POR: variants seen among roughly 807,000 people sequenced by gnomAD.
The protein encoded by POR is NADPH--cytochrome P450 reductase.
In POR, 56 loss-of-function variants were observed where a neutral mutation model predicts 84.0. That is an observed-to-expected ratio of 0.67 (90% CI 0.54 to 0.83). POR has a LOEUF of 0.83. POR is among the 40% of genes least tolerant of loss of function. The probability of loss-of-function intolerance (pLI) is 0.00; values close to 1 mark genes in which losing one functional copy is unlikely to be tolerated. For missense variants in POR, 938 were observed against 944.3 expected, an observed-to-expected ratio of 0.99 and a Z score of 0.09; for synonymous variants, 414 against 400.5, an observed-to-expected ratio of 1.03 and a Z score of -0.40.
chr7:75,963,275 C>T (rs1434180056), intron 2 of POR, among the ~76,000 whole-genome samples: 17 of 152,274 alleles, frequency 1.1e-4, no homozygotes, highest in Admixed American at 6.5e-4. Context: ...CCTGTGGCCA[C>T]GAGAGTAGAC....
chr7:75,956,551 TG>T (rs1485301105), intron 2 of POR, among the ~76,000 whole-genome samples: 1 of 152,144 alleles, frequency 6.6e-6, no homozygotes, highest in Non-Finnish European at 1.5e-5. Context: ...CCCAATCTTG[TG>T]GGGCTTTTGT....
At chr7:75,975,671 C>T (rs1022199543) in intron 3 of POR, among the ~76,000 whole-genome samples, 13 of 151,990 alleles carry the variant, frequency 8.6e-5, no homozygotes, top group Non-Finnish European at 1.0e-4. Context: ...TTTCACTGGG[C>T]GCAACGTGTT....
At chr7:75,922,239 C>CT (rs1806909835) in intron 1 of POR, among the ~76,000 whole-genome samples, 1 of 151,394 alleles carries the variant, frequency 6.6e-6, no homozygotes, top group Non-Finnish European at 1.5e-5. Flanking sequence ...ATAAATATGG[C>CT]TTCTGTCCCC....
rs201425914 is a variant in POR at position 75,918,000 on chromosome 7, T to TA, written c.-5+2829dup. Among the ~76,000 whole-genome samples, 1,022 of 151,420 alleles carry TA rather than the reference T, an allele frequency of 6.7e-3. 8 individuals are homozygous for TA. Among genetic ancestry groups the TA allele is most frequent in the Middle Eastern group, 0.024 (7 of 294 alleles). ...GCAACACGGCGAATCCCTGTCTCTATAAAAAAAATACAAATACAAAAATTG... is the reference window on the plus strand; with the variant it reads ...GCAACACGGCGAATCCCTGTCTCTATAAAAAAAAATACAAATACAAAAATTG... On this transcript the variant is annotated intron_variant, in intron 1 of 15. Coordinates refer to ENST00000461988, the MANE Select transcript of POR (RefSeq NM_000941.3).
At chr7:75,982,914 G>A (rs912914769) in intron 8 of POR, among the ~76,000 whole-genome samples, 34 of 152,182 alleles carry the variant, frequency 2.2e-4, no homozygotes, top group African/African-American at 7.5e-4. Flanking sequence ...TCCTCATTTG[G>A]GGACCAGCCA....
intron 2 of POR, chr7:75,970,866 T>C (rs1158286597): frequency 2.6e-5 from 4 of 151,896 alleles, no homozygotes; most frequent in African/African-American, 7.2e-5. Flanking sequence ...TCAAAGTCTT[T>C]TGCCCACATA....
At chr7:75,921,154 C>A (rs1554548789) in intron 1 of POR, 1 of 152,286 alleles carries the variant, frequency 6.6e-6, no homozygotes, top group Admixed American at 6.6e-5. Flanking sequence ...CTGTCAGTGG[C>A]CTCACCGACT....
intron 3 of POR, among the ~76,000 whole-genome samples, chr7:75,976,225 T>C (rs1482737075): frequency 6.6e-6 from 1 of 152,186 alleles, no homozygotes; most frequent in African/African-American, 2.4e-5. Flanking sequence ...TTCTATTAAG[T>C]ATTTTTACGG....
chr7:75,976,571 C>A (rs1236485679), intron 3 of POR, among the ~76,000 whole-genome samples: 1 of 151,808 alleles, frequency 6.6e-6, no homozygotes, highest in Non-Finnish European at 1.5e-5. Context: ...CATGGTGAAA[C>A]CCTGTCTCTA....
chr7:75,969,156 C>T (rs1788323533), intron 2 of POR, among the ~76,000 whole-genome samples: 1 of 152,228 alleles, frequency 6.6e-6, no homozygotes, highest in Admixed American at 6.5e-5. Context: ...GCACATGCCA[C>T]CTTGTGCCAT....
chr7:75,951,313 G>A, intron 1 of POR, among the ~76,000 whole-genome samples: 1 of 151,972 alleles, frequency 6.6e-6, no homozygotes, highest in African/African-American at 2.4e-5. Flanking sequence ...AGAATCGCTT[G>A]AACCCAGGAG....
At chr7:75,971,067 T>C (rs1788416504) in intron 2 of POR, 1 of 143,078 alleles carries the variant, frequency 7.0e-6, no homozygotes, top group Non-Finnish European at 1.5e-5. Context: ...GTTCAAGTGA[T>C]TCTCCTGCCT....
chr7:75,953,018 G>A (rs1183469741), intron 1 of POR, among the ~76,000 whole-genome samples: 4 of 152,176 alleles, frequency 2.6e-5, no homozygotes, highest in African/African-American at 9.7e-5. Context: ...CTGCACTCCA[G>A]CCTGGGCACC....
At chr7:75,937,982 A>C (rs1398941586) in intron 1 of POR, among the ~76,000 whole-genome samples, 1 of 152,222 alleles carries the variant, frequency 6.6e-6, no homozygotes, top group Non-Finnish European at 1.5e-5. Context: ...CCAAGGCCGC[A>C]GAGATGCTGC....
At chr7:75,934,579 G>GA (rs1491307794) in intron 1 of POR, among the ~76,000 whole-genome samples, 4 of 149,828 alleles carry the variant, frequency 2.7e-5, no homozygotes, top group Non-Finnish European at 4.4e-5. Flanking sequence ...AGACTGTGGG[G>GA]AAAAAAAGGC....
intron 3 of POR, among the ~76,000 whole-genome samples, chr7:75,973,129 A>T (rs1298522699): frequency 6.6e-6 from 1 of 151,976 alleles, no homozygotes; most frequent in Admixed American, 6.6e-5. Context: ...AGCCAATTTA[A>T]CTATTTAATT....
intron 1 of POR, among the ~76,000 whole-genome samples, chr7:75,938,564 C>T (rs1224968842): frequency 5.9e-5 from 9 of 152,082 alleles, no homozygotes; most frequent in African/African-American, 2.2e-4. Context: ...TTGAGACCAG[C>T]CTGGGCAACT....
intron 1 of POR, among the ~76,000 whole-genome samples, chr7:75,920,656 T>C (rs998239425): frequency 1.3e-5 from 2 of 152,126 alleles, no homozygotes; most frequent in African/African-American, 4.8e-5. Context: ...TAGAGCACTG[T>C]GTCCTAGTGA....
chr7:75,923,433 G>T (rs1247292765), intron 1 of POR: 1 of 592,964 alleles, frequency 1.7e-6, no homozygotes, highest in South Asian at 1.9e-5. Flanking sequence ...CAGCTCATCC[G>T]CCAGCTGAAC....
Sources: gnomAD v4.1 joint callset for allele counts (sites outside exome capture counted in the v4.1 genomes callset) on GRCh38, gnomAD v4.1.1 for gene constraint, MANE v1.5 for transcripts, NCBI Gene and HGNC (gene_info 2026-07-23, HGNC 2026-07-21) for gene names.